PSMC6: variants seen among roughly 807,000 people sequenced by gnomAD.
The protein encoded by PSMC6 is 26S proteasome regulatory subunit 10B.
In PSMC6, 3 loss-of-function variants were observed where a neutral mutation model predicts 55.9. That is an observed-to-expected ratio of 0.05 (90% confidence interval 0.02 to 0.14). The LOEUF is 0.14. Ranked by LOEUF, PSMC6 falls within the 10% of genes least tolerant of loss-of-function variation. The pLI is 1.00. For synonymous variants in PSMC6, 137 were observed against 155.9 expected (o/e 0.88, Z 0.90); for missense variants, 210 against 478.7 (o/e 0.44, Z 5.24).
At chr14:52,725,790 C>T (rs148836402) in intron 13 of PSMC6, among the ~76,000 whole-genome samples, 106 of 152,346 alleles carry the variant, frequency 7.0e-4, no homozygotes, top group African/African-American at 2.4e-3. Context: ...GCTGGGATTA[C>T]AGGCACAAGC....
chr14:52,711,131 A>G lies in PSMC6; in HGVS notation c.289A>G (p.Arg97Gly). The part of the protein sequence containing the change: ...LDKSKLKPGT[R>G]VALDMTTLTI... ...CAAAAGTAAGCTGAAGCCAGGAACA[A>G]GAGTTGCTTTGGATATGACTACACT... The change falls in exon 5 of 14, where the codon AGA (arginine) becomes GGA (glycine). Residue 97 changes from arginine to glycine, a missense_variant. Physicochemically the swap from Arg to Gly is moderately radical, Grantham distance 125 (BLOSUM62 -2). Around this residue, in one of 4 missense-constraint regions of PSMC6, gnomAD observed 101 missense variants for 250.4 expected, o/e 0.40. Transcript: ENST00000445930. The G allele has an allele frequency of 6.2e-7, 1 of 1,605,650 alleles. No homozygotes were observed. Among genetic ancestry groups the G allele is most frequent in the South Asian group, 1.1e-5 (1 of 90,790 alleles).
chr14:52,718,459 C>A, intron 9 of PSMC6, 107 bp downstream of exon 9: 4 of 1,217,474 alleles, frequency 3.3e-6, no homozygotes, highest in South Asian at 1.5e-5. Context: ...GTAGATACCA[C>A]AATGAATCAG....
chr14:52,714,022 A>T (rs554287232), intron 7 of PSMC6, 54 bp downstream of exon 7: 107 of 619,792 alleles, frequency 1.7e-4, no homozygotes, highest in South Asian at 1.6e-3. Flanking sequence ...TTAAGGAATT[A>T]AAAAAAAAAA....
rs780068770 is a variant in PSMC6 at position 52,727,578 on chromosome 14, T to C, written c.1131T>C (p.Ser377=). Residue 377 remains serine, a synonymous_variant, in exon 14 of 14, where the codon TCT becomes TCC. Coordinates refer to ENST00000445930, the MANE Select transcript of PSMC6 (RefSeq NM_002806.5). ...AAGCAGTCAGAAAAGTGGCTGATTC[T>C]AAGAAGCTGGAGTCTAAATTGGACT... The part of the protein sequence containing the change: ...FMKAVRKVAD[S]KKLESKLDYK... 5 of 1,611,772 alleles carry C rather than the reference T, an allele frequency of 3.1e-6. No individual in the cohort carries two copies. The South Asian group carries it at 4.4e-5, about 14-fold the overall frequency.
At chr14:52,715,614 CT>C (rs1380950213) in intron 7 of PSMC6, among the ~76,000 whole-genome samples, 1 of 149,156 alleles carries the variant, frequency 6.7e-6, no homozygotes, top group Non-Finnish European at 1.5e-5. Context: ...TTTTTCTTTT[CT>C]TTTCTTTTTT....
chr14:52,707,859 C>T (rs991624209), intron 1 of PSMC6, among the ~76,000 whole-genome samples: 3 of 152,162 alleles, frequency 2.0e-5, no homozygotes, highest in Non-Finnish European at 4.4e-5. Flanking sequence ...CATTGAAAAG[C>T]ATGAGTAGTT....
At position 52,720,626 on chromosome 14, in the gene PSMC6, C is replaced by G. The variant is rs940765273; in HGVS notation, c.778-235C>G. Among the ~76,000 whole-genome samples, 4 of 151,912 alleles carry G rather than the reference C, an allele frequency of 2.6e-5. No homozygotes were observed. In the South Asian group the frequency reaches 8.3e-4, roughly 31 times the overall value. On this transcript the variant is annotated intron_variant, in intron 10 of 13. Transcript: ENST00000445930. ...CAGATTTATTAAAACTACCTGGTAG[C>G]TATAGAAAGATACATAGCTATTAAA...
At chr14:52,708,214 G>T in intron 1 of PSMC6, 95 bp from the exon 2 acceptor site, 2 of 1,059,334 alleles carry the variant, frequency 1.9e-6, no homozygotes, top group South Asian at 2.8e-5. Context: ...TAGGTAAAGT[G>T]AAGTAGACTT....
intron 6 of PSMC6, among the ~76,000 whole-genome samples, chr14:52,713,253 C>T (rs2041794630): frequency 6.6e-6 from 1 of 152,138 alleles, no homozygotes; most frequent in African/African-American, 2.4e-5. Flanking sequence ...TCTTAAGTTA[C>T]TGGTACTATA....
chr14:52,711,895 T>C (rs896664747), intron 6 of PSMC6, among the ~76,000 whole-genome samples: 2 of 152,220 alleles, frequency 1.3e-5, no homozygotes, highest in African/African-American at 4.8e-5. Flanking sequence ...TCATTAATAC[T>C]AGCTTCCCAC....
At position 52,723,233 on chromosome 14, in the gene PSMC6, G is replaced by A. The variant is rs549864524; in HGVS notation, c.980-732G>A. ...ATATGTGTGATTTCAAATAGAGAAC[G>A]ACATGCCCTATATTGCCTGACCAAA... On this transcript the variant is annotated intron_variant, in intron 12 of 13. Transcript: ENST00000445930. 5.9e-5 allele frequency: 9 copies of A among 152,324 alleles called. No homozygotes were observed. In the South Asian group the frequency reaches 8.3e-4, roughly 14 times the overall value. 9.4% of individuals were successfully genotyped at this position (152,324 alleles called of 1,614,324 possible). A position where few individuals can be genotyped will look rare whatever the true frequency, so the allele number is the denominator to read the frequency against.
Position 52,727,018 on chromosome 14 carries a change from ATTT to A in PSMC6, c.1052-462_1052-460del, listed in dbSNP as rs66797420. ...GAACATAATCACAACACCGCTATGG[ATTT>A]TTTTTTTTTTTTTTTTTTGAGATGG... On this transcript the variant is annotated intron_variant, in intron 13 of 13. Transcript: ENST00000445930. 6.9e-5 allele frequency among the ~76,000 whole-genome samples: 7 copies of A among 102,134 alleles called. No homozygotes were observed. The South Asian group carries it at 2.0e-3, about 29-fold the overall frequency. The allele number at this position is 102,134 out of a possible 152,430, so 67.0% of individuals were successfully genotyped here.
At chr14:52,713,055 AC>A (rs1477658201) in intron 6 of PSMC6, among the ~76,000 whole-genome samples, 2 of 151,708 alleles carry the variant, frequency 1.3e-5, no homozygotes, top group African/African-American at 4.8e-5. Flanking sequence ...ATACAGTGAA[AC>A]CCCATCTCTT....
chr14:52,710,863 A>T, intron 4 of PSMC6: 2 of 504,434 alleles, frequency 4.0e-6, no homozygotes, highest in Non-Finnish European at 7.1e-6. Context: ...TTTGTGTGTT[A>T]GTCATTTCAC....
At chr14:52,710,787 AAG>A in intron 4 of PSMC6, 1 of 344,020 alleles carries the variant, frequency 2.9e-6, no homozygotes, top group East Asian at 7.6e-5. Flanking sequence ...AATGTTCACT[AAG>A]GGATTTTTCT....
chr14:52,727,298 G>A (rs1422382969), intron 13 of PSMC6, among the ~76,000 whole-genome samples: 1 of 151,888 alleles, frequency 6.6e-6, no homozygotes, highest in Admixed American at 6.6e-5. Flanking sequence ...CAAAGTGTTG[G>A]GATTACAGGC....
intron 12 of PSMC6, 179 bp from the exon 13 acceptor site, chr14:52,723,786 G>A: frequency 2.9e-6 from 4 of 1,365,770 alleles, no homozygotes; most frequent in Non-Finnish European, 3.8e-6. Flanking sequence ...ATTCTTCTTG[G>A]TGCTGGTTTA....
At chr14:52,709,536 G>T in intron 4 of PSMC6, 1 of 443,166 alleles carries the variant, frequency 2.3e-6, no homozygotes, top group Non-Finnish European at 4.5e-6. Flanking sequence ...CAAAATATTA[G>T]ATACCTAAAC....
In PSMC6 at chr14:52,727,816, A is replaced by T; in HGVS notation, c.*199A>T. 2.3e-6 allele frequency: 1 copy of T among 426,368 alleles called. No homozygotes were observed. The highest frequency in any genetic ancestry group is 3.9e-5 in the East Asian group (1 of 25,904). The allele number at this position is 426,368 out of a possible 1,614,324, so 26.4% of individuals were successfully genotyped here. A position where few individuals can be genotyped will look rare whatever the true frequency, so the allele number is the denominator to read the frequency against. On this transcript the variant is annotated 3_prime_UTR_variant, in exon 14 of 14. Transcript: ENST00000445930. ...TGTTTGTTAAAGTTGCATTTATTGC[A>T]GCAAGTTACAAAGGGAAAGTGTTGA...
Sources: gnomAD v4.1 joint callset for allele counts (sites outside exome capture counted in the v4.1 genomes callset) on GRCh38, gnomAD v4.1.1 for gene constraint, gnomAD v4.1.1 regional missense constraint, MANE v1.5 for transcripts, NCBI Gene and HGNC (gene_info 2026-07-23, HGNC 2026-07-21) for gene names.